Variants in ZNF423 observed in about 807,000 individuals in gnomAD.
The protein encoded by ZNF423 is zinc finger protein 423, also known as Ebf-associated zinc finger protein.
Under a neutral mutation model 95.8 loss-of-function variants are expected in ZNF423, and 12 were observed. The observed-to-expected ratio is 0.13, with a 90% CI of 0.08 to 0.20. The LOEUF (loss-of-function observed/expected upper bound fraction) is 0.20. Among genes scored for constraint, ZNF423 ranks in the 10% least tolerant of loss-of-function variants. The pLI, the probability that ZNF423 is intolerant of heterozygous loss-of-function variation, is 1.00. For missense variants in ZNF423, 1,316 were observed against 1,737.1 expected (o/e 0.76, Z 4.31); for synonymous variants, 749 against 711.9 (o/e 1.05, Z -0.83).
intron 2 of ZNF423, among the ~76,000 whole-genome samples, chr16:49,741,146 G>A (rs1021600636): frequency 6.6e-6 from 1 of 151,644 alleles, no homozygotes; most frequent in Non-Finnish European, 1.5e-5. Flanking sequence ...AGCCCACCCA[G>A]GGAGGGGTCT....
In ZNF423 at chr16:49,637,016, C is replaced by T; in HGVS notation, c.2160G>A (p.Leu720=). 1.9e-6 allele frequency: 3 copies of T among 1,613,956 alleles called. No homozygotes were observed. The highest frequency in any genetic ancestry group is 2.5e-6 in the Non-Finnish European group (3 of 1,180,044). Residue 720 remains leucine (L), a synonymous_variant, in exon 4 of 8, where the codon CTG becomes CTA. Transcript: ENST00000563137. This position sits in a 1 kb window ranked among gnomAD's most constrained non-coding sequence, Gnocchi z 5.6. ...GGTACAACACAAAGGTGTGCATGTC[C>T]AGCAGGTGCTTCTGCAGGTCATCCA... ...SSVDDLQKHL[L]DMHTFVLYHC...
rs572200679 is a variant in ZNF423, at chr16:49,732,556, G to A, written c.101-1585C>T. ...AGCATATGTACATATGCAAAAGTGC[G>A]TGTATGTGCACCTGTATGTACATGT... is the stretch of plus-strand genomic sequence containing the variant. On this transcript the variant is annotated intron_variant, in intron 2 of 7. Transcript: ENST00000563137. Among the ~76,000 whole-genome samples the A allele has an allele frequency of 3.9e-5, 6 of 152,310 alleles. No individual in the cohort carries two copies. The East Asian group carries it at 7.7e-4, about 20-fold the overall frequency.
chr16:49,562,534 A>G (rs1970052425), intron 5 of ZNF423, among the ~76,000 whole-genome samples: 1 of 152,208 alleles, frequency 6.6e-6, no homozygotes, highest in South Asian at 2.1e-4. Flanking sequence ...GTGAGAACCA[A>G]CAAAAAAGTA....
intron 1 of ZNF423, among the ~76,000 whole-genome samples, chr16:49,796,579 A>C (rs1238485255): frequency 6.6e-6 from 1 of 152,182 alleles, no homozygotes; most frequent in East Asian, 1.9e-4. Flanking sequence ...TTGGCAGAGA[A>C]GGTTCAGGTC....
chr16:49,814,935 A>G (rs2034813530), intron 1 of ZNF423, among the ~76,000 whole-genome samples: 1 of 152,078 alleles, frequency 6.6e-6, no homozygotes, highest in Non-Finnish European at 1.5e-5. Context: ...AGCACTGGCC[A>G]TCTCAACTCT....
chr16:49,514,203 CACACACACAT>C (rs1378721325), intron 7 of ZNF423, among the ~76,000 whole-genome samples: 2 of 54,590 alleles, frequency 3.7e-5, no homozygotes, highest in African/African-American at 9.9e-5. Flanking sequence ...CACACACACA[CACACACACAT>C]GCACACGCAC....
chr16:49,761,736 T>A (rs1358935080), intron 2 of ZNF423, among the ~76,000 whole-genome samples: 2 of 152,220 alleles, frequency 1.3e-5, no homozygotes, highest in African/African-American at 4.8e-5. Flanking sequence ...TAATTCTGAA[T>A]ACTATTGACC....
intron 5 of ZNF423, among the ~76,000 whole-genome samples, chr16:49,610,262 T>G (rs757311541): frequency 9.2e-5 from 14 of 152,194 alleles, no homozygotes; most frequent in Non-Finnish European, 1.8e-4. Flanking sequence ...TAAGGAAATT[T>G]TACTGTAGAT....
chr16:49,680,683 C>T (rs752835071), intron 3 of ZNF423, among the ~76,000 whole-genome samples: 24 of 152,322 alleles, frequency 1.6e-4, no homozygotes, highest in African/African-American at 4.8e-4. Context: ...TGGAGCTGCC[C>T]GCCCCACCAC....
intron 7 of ZNF423, among the ~76,000 whole-genome samples, chr16:49,498,509 C>T (rs1967254877): frequency 1.3e-5 from 2 of 152,206 alleles, no homozygotes; most frequent in African/African-American, 4.8e-5. Flanking sequence ...AGGCAGCTTG[C>T]CCTTAAATCT....
chr16:49,768,200 T>A (rs1290426163), intron 2 of ZNF423, among the ~76,000 whole-genome samples: 2 of 152,188 alleles, frequency 1.3e-5, no homozygotes, highest in East Asian at 3.9e-4. Context: ...ACACCACCTC[T>A]GCTCCAGCCA....
intron 1 of ZNF423, among the ~76,000 whole-genome samples, chr16:49,805,861 C>T (rs564843061): frequency 6.6e-5 from 10 of 152,306 alleles, no homozygotes; most frequent in South Asian, 4.1e-4. Flanking sequence ...TGGCGTCCAA[C>T]GAGCAACACG....
chr16:49,713,437 G>A (rs1596903403), intron 3 of ZNF423, among the ~76,000 whole-genome samples: 1 of 152,284 alleles, frequency 6.6e-6, no homozygotes, highest in East Asian at 1.9e-4. Flanking sequence ...CAGTGGGGGA[G>A]GAGACAGATT....
At chr16:49,858,764 T>G (rs1403138807), upstream of ZNF423, among the ~76,000 whole-genome samples, 2 of 148,452 alleles carry the variant, frequency 1.3e-5, no homozygotes, top group Non-Finnish European at 3.0e-5. The surrounding 1 kb of genome is among the most constrained non-coding windows in gnomAD (Gnocchi z 4.3). Flanking sequence ...GGAGTTGGGC[T>G]GAACCGGGGG....
chr16:49,771,417 C>T (rs1467741497), intron 2 of ZNF423, among the ~76,000 whole-genome samples: 2 of 152,022 alleles, frequency 1.3e-5, no homozygotes, highest in East Asian at 3.9e-4. Context: ...GGTGGCCGGG[C>T]TGGTCTTGAA....
intron 5 of ZNF423, among the ~76,000 whole-genome samples, chr16:49,573,110 G>A (rs1209801606): frequency 2.0e-5 from 3 of 152,162 alleles, no homozygotes; most frequent in East Asian, 1.9e-4. Context: ...ACATGTGGAC[G>A]ATGGATGATG....
intron 7 of ZNF423, among the ~76,000 whole-genome samples, chr16:49,508,513 TAAAAAAAAAAA>T (rs35061120): frequency 2.0e-5 from 2 of 101,896 alleles, no homozygotes; most frequent in African/African-American, 7.7e-5. Flanking sequence ...TTCTCTTTCT[TAAAAAAAAAAA>T]AAAAAAAAAA....
intron 5 of ZNF423, among the ~76,000 whole-genome samples, chr16:49,586,823 C>T (rs1396242017): frequency 6.6e-6 from 1 of 152,210 alleles, no homozygotes; most frequent in Admixed American, 6.5e-5. Flanking sequence ...AGCCAGTCCC[C>T]GGATGCCAAC....
At chr16:49,584,124 T>G (rs1490139421) in intron 5 of ZNF423, among the ~76,000 whole-genome samples, 2 of 152,218 alleles carry the variant, frequency 1.3e-5, no homozygotes, top group African/African-American at 4.8e-5. Flanking sequence ...GATGCAGGAA[T>G]GCAAACCTCT....
Sources: allele counts gnomAD v4.1 joint callset (sites outside exome capture counted in the v4.1 genomes callset), GRCh38; gene constraint gnomAD v4.1.1; non-coding constraint Gnocchi (gnomAD v3.1); transcripts MANE v1.5; gene names NCBI Gene and HGNC (gene_info 2026-07-23, HGNC 2026-07-21).